The following LRRC38 variants were observed in gnomAD, a reference collection of about 807,000 sequenced individuals.
The protein encoded by LRRC38 is leucine rich repeat containing 38, also known as leucine-rich repeat-containing protein 38.
LRRC38 carries 5 observed loss-of-function variants against 16.4 expected under a neutral mutation model. The observed-to-expected ratio is 0.31, with a 90% confidence interval of 0.16 to 0.64. LRRC38 has a LOEUF of 0.64. Among genes scored for constraint, LRRC38 ranks in the 30% least tolerant of loss-of-function variants. The pLI, the probability that LRRC38 is intolerant of heterozygous loss-of-function variation, is 0.80. For synonymous variants in LRRC38, 191 were observed against 190.2 expected (o/e 1.00, Z -0.04); for missense variants, 341 against 401.8 (o/e 0.85, Z 1.29).
At chr1:13,502,215 A>G (rs1397671269) in intron 1 of LRRC38, among the ~76,000 whole-genome samples, 1 of 151,058 alleles carries the variant, frequency 6.6e-6, no homozygotes, top group Non-Finnish European at 1.5e-5. Flanking sequence ...GGCTGGGATT[A>G]CAAGTGTGAG....
At chr1:13,509,273 G>GAAA (rs1639248216) in intron 1 of LRRC38, among the ~76,000 whole-genome samples, 1 of 152,154 alleles carries the variant, frequency 6.6e-6, no homozygotes, top group African/African-American at 2.4e-5. Context: ...GGCCACACGT[G>GAAA]GCTGCAGCTA....
chr1:13,499,411 T>C (rs1467614473), intron 1 of LRRC38, among the ~76,000 whole-genome samples: 1 of 152,166 alleles, frequency 6.6e-6, no homozygotes, highest in Non-Finnish European at 1.5e-5. Flanking sequence ...ATGATCCTAT[T>C]TCTAAACAAG....
chr1:13,509,780 T>C (rs1157743637), intron 1 of LRRC38, among the ~76,000 whole-genome samples: 2 of 152,128 alleles, frequency 1.3e-5, no homozygotes, highest in Admixed American at 6.5e-5. Flanking sequence ...TCTTTGTTTA[T>C]AAGAGAAAAA....
At chr1:13,508,587 T>G (rs547069070) in intron 1 of LRRC38, among the ~76,000 whole-genome samples, 2 of 152,362 alleles carry the variant, frequency 1.3e-5, no homozygotes, top group Non-Finnish European at 2.9e-5. Context: ...TAGCAAAACT[T>G]TCATAGCAAT....
chr1:13,480,099 C>G (rs148248447), intron 1 of LRRC38, among the ~76,000 whole-genome samples: 1 of 152,188 alleles, frequency 6.6e-6, no homozygotes, highest in Admixed American at 6.5e-5. Flanking sequence ...AATCCCAGCA[C>G]TTTGGGAGGC....
At chr1:13,481,753 CTTT>C (rs1553134613) in intron 1 of LRRC38, among the ~76,000 whole-genome samples, 2 of 106,794 alleles carry the variant, frequency 1.9e-5, no homozygotes, top group African/African-American at 1.1e-4. Flanking sequence ...CTGCCTCTCA[CTTT>C]CTTTCCCTCT....
intron 1 of LRRC38, among the ~76,000 whole-genome samples, chr1:13,488,617 G>T (rs1273410366): frequency 6.6e-6 from 1 of 152,062 alleles, no homozygotes; most frequent in Non-Finnish European, 1.5e-5. Context: ...ACAAGTTGAA[G>T]GTTGTGGGTG....
intron 1 of LRRC38, among the ~76,000 whole-genome samples, chr1:13,494,126 T>C (rs1368634877): frequency 6.6e-6 from 1 of 152,212 alleles, no homozygotes; most frequent in Non-Finnish European, 1.5e-5. Context: ...ATTTGTGTCA[T>C]TTTAAGCCCC....
chr1:13,502,893 A>G (rs1639167352), intron 1 of LRRC38, among the ~76,000 whole-genome samples: 1 of 152,242 alleles, frequency 6.6e-6, no homozygotes, highest in African/African-American at 2.4e-5. Context: ...GATGTAGATG[A>G]TCTAAAAGCA....
At chr1:13,480,121 G>T (rs1638834692) in intron 1 of LRRC38, among the ~76,000 whole-genome samples, 1 of 152,148 alleles carries the variant, frequency 6.6e-6, no homozygotes, top group Admixed American at 6.6e-5. Context: ...GAGGCGGGTG[G>T]ATTACCTGAG....
chr1:13,504,306 T>C (rs958476353), intron 1 of LRRC38, among the ~76,000 whole-genome samples: 17 of 151,954 alleles, frequency 1.1e-4, no homozygotes, highest in Non-Finnish European at 2.5e-4. Flanking sequence ...GCACAGACAG[T>C]CATGGATGCC....
intron 1 of LRRC38, among the ~76,000 whole-genome samples, chr1:13,481,780 CCTCTCTCCCTCTCTCTCTCTCTCTCTCT>C (rs1344960443): frequency 6.9e-5 from 4 of 58,348 alleles, no homozygotes; most frequent in Admixed American, 6.6e-4. Context: ...TCCCTCTCTC[CCTCTCTCCCTCTCTCTCTCTCTCTCTCT>C]CTCTCTCTCT....
In LRRC38 at chr1:13,491,006, T is replaced by C. The variant is rs1360596582; in HGVS notation, c.632-14907A>G. Among the ~76,000 whole-genome samples, 3 of 152,218 alleles carry C rather than the reference T, an allele frequency of 2.0e-5. No homozygotes were observed. In the East Asian group the frequency reaches 5.8e-4, roughly 29 times the overall value. ...AAGTAATATTTCTAGAAACTCCTGC[T>C]ATTTATCAGGAACTACGATGAGTAC... On this transcript the variant is annotated intron_variant, in intron 1 of 1. Coordinates refer to ENST00000376085, the MANE Select transcript of LRRC38 (RefSeq NM_001010847.2).
intron 1 of LRRC38, among the ~76,000 whole-genome samples, chr1:13,477,891 C>T (rs1053038446): frequency 1.3e-5 from 2 of 152,092 alleles, no homozygotes; most frequent in African/African-American, 2.4e-5. Context: ...GCTGAGTGAA[C>T]ATAGGAGAAT....
At chr1:13,486,449 A>G (rs1040482842) in intron 1 of LRRC38, among the ~76,000 whole-genome samples, 12 of 152,078 alleles carry the variant, frequency 7.9e-5, no homozygotes, top group African/African-American at 2.9e-4. Flanking sequence ...GGGGGATACA[A>G]TTCAACCCAC....
At chr1:13,492,394 T>C (rs1639024599) in intron 1 of LRRC38, among the ~76,000 whole-genome samples, 1 of 152,012 alleles carries the variant, frequency 6.6e-6, no homozygotes, top group African/African-American at 2.4e-5. Flanking sequence ...TAGAGAAAAT[T>C]TTCATTCTTA....
chr1:13,500,503 A>G (rs954878847), intron 1 of LRRC38, among the ~76,000 whole-genome samples: 4 of 152,216 alleles, frequency 2.6e-5, no homozygotes, highest in African/African-American at 9.6e-5. Context: ...TCAGAAACTT[A>G]AAAGAATGAA....
At chr1:13,480,582 G>C (rs1436501520) in intron 1 of LRRC38, among the ~76,000 whole-genome samples, 2 of 152,164 alleles carry the variant, frequency 1.3e-5, no homozygotes, top group Admixed American at 6.5e-5. Context: ...AGCTGTTAAG[G>C]TGGAGATAAT....
At chr1:13,491,923 G>C (rs1253037950) in intron 1 of LRRC38, among the ~76,000 whole-genome samples, 1 of 152,136 alleles carries the variant, frequency 6.6e-6, no homozygotes, top group African/African-American at 2.4e-5. Context: ...TGATTCACCT[G>C]CCTCGGCCTC....
Sources: allele counts gnomAD v4.1 joint callset (sites outside exome capture counted in the v4.1 genomes callset), GRCh38; gene constraint gnomAD v4.1.1; transcripts MANE v1.5; gene names NCBI Gene and HGNC (gene_info 2026-07-23, HGNC 2026-07-21).